DARS1: variants seen among roughly 807,000 people sequenced by gnomAD.
DARS1 encodes aspartyl-tRNA synthetase 1.
In DARS1, 51 loss-of-function variants were observed where a neutral mutation model predicts 68.8. The ratio of observed to expected loss-of-function variants is 0.74; its 90% CI spans 0.59 to 0.94. The LOEUF (loss-of-function observed/expected upper bound fraction) is 0.94, where lower values mean the gene tolerates loss of function less well. Among genes scored for constraint, DARS1 ranks in the 40% least tolerant of loss-of-function variants. The pLI is 0.00. For synonymous variants in DARS1, 203 were observed against 190.4 expected (o/e 1.07, Z -0.55); for missense variants, 607 against 597.3 (o/e 1.02, Z -0.17).
intron 5 of DARS1, among the ~76,000 whole-genome samples, chr2:135,940,733 G>A (rs911351456): frequency 1.3e-5 from 2 of 152,152 alleles, no homozygotes; most frequent in African/African-American, 4.8e-5. Flanking sequence ...CCTGTTTGCA[G>A]ATGACATGAT....
rs1463633056 is a variant in DARS1, at chr2:135,985,549, C to T, written c.-81G>A. 1.9e-6 allele frequency: 3 copies of T among 1,605,584 alleles called. No individual in the cohort carries two copies. Among genetic ancestry groups the T allele is most frequent in the East Asian group, 2.2e-5 (1 of 44,644 alleles). ...AGGCCAAAGGGGCTTCTCCCTCCCTCCCAGTCTCCGCCCTCCCGACCCTGG... is the reference window on the plus strand; with the variant it reads ...AGGCCAAAGGGGCTTCTCCCTCCCTTCCAGTCTCCGCCCTCCCGACCCTGG... On this transcript the variant is annotated 5_prime_UTR_variant, in exon 1 of 16. Transcript: ENST00000264161.
intron 3 of DARS1, among the ~76,000 whole-genome samples, chr2:135,963,095 G>A (rs1027124974): frequency 6.6e-6 from 1 of 152,148 alleles, no homozygotes; most frequent in East Asian, 1.9e-4. Flanking sequence ...ACTTACAAAG[G>A]GTGAGCACAG....
Position 135,985,590 on chromosome 2 carries a change from G to T in DARS1, c.-122C>A, listed in dbSNP as rs779404715. The T allele has an allele frequency of 1.3e-6, 2 of 1,550,900 alleles. No homozygotes were observed. Reference sequence around the variant, plus strand: ...CCGACCCTGGGGTCTCAGCACACGCGCTCGGACTCCGCGTGGAGGTGCGGC... The same window carrying T: ...CCGACCCTGGGGTCTCAGCACACGCTCTCGGACTCCGCGTGGAGGTGCGGC... On this transcript the variant is annotated 5_prime_UTR_variant, in exon 1 of 16. Transcript: ENST00000264161.
At chr2:135,967,574 C>T (rs1165306228) in intron 3 of DARS1, among the ~76,000 whole-genome samples, 2 of 152,124 alleles carry the variant, frequency 1.3e-5, no homozygotes, top group Non-Finnish European at 2.9e-5. Flanking sequence ...TATATATAAA[C>T]CTACCATAAG....
intron 4 of DARS1, among the ~76,000 whole-genome samples, chr2:135,949,430 T>G (rs966021433): frequency 6.6e-6 from 1 of 152,186 alleles, no homozygotes; most frequent in Non-Finnish European, 1.5e-5. Context: ...CAAAAAAATT[T>G]TTTTTAAAAG....
chr2:135,957,091 G>GTCT (rs979998395), intron 4 of DARS1, among the ~76,000 whole-genome samples: 42 of 152,162 alleles, frequency 2.8e-4, no homozygotes, highest in African/African-American at 8.7e-4. Context: ...TTAAGCCAGA[G>GTCT]TCTTGCTCTG....
chr2:135,952,160 C>T (rs1009429727), intron 4 of DARS1, among the ~76,000 whole-genome samples: 1 of 152,176 alleles, frequency 6.6e-6, no homozygotes, highest in African/African-American at 2.4e-5. Context: ...AGGAGAATCG[C>T]TTGAACCTGG....
chr2:135,915,897 T>C (rs567470605), intron 11 of DARS1, among the ~76,000 whole-genome samples: 2 of 152,144 alleles, frequency 1.3e-5, no homozygotes, highest in Non-Finnish European at 2.9e-5. Context: ...TAATGGAAAA[T>C]GGTGTTTATA....
chr2:135,907,665 C>G (rs755922416), intron 15 of DARS1, among the ~76,000 whole-genome samples: 3 of 151,978 alleles, frequency 2.0e-5, no homozygotes, highest in Non-Finnish European at 4.4e-5. Context: ...AAAATCTATA[C>G]GAATGAACAA....
At chr2:135,932,698 C>A in intron 7 of DARS1, 85 bp downstream of exon 7, 1 of 756,300 alleles carries the variant, frequency 1.3e-6, no homozygotes, top group Non-Finnish European at 2.3e-6. Flanking sequence ...TACCATTTAG[C>A]TTTATAAGCC....
intron 6 of DARS1, 23 bp from the exon 7 acceptor site, chr2:135,932,865 G>GA (rs1681382659): frequency 2.9e-6 from 3 of 1,038,294 alleles, no homozygotes; most frequent in South Asian, 1.5e-5. Flanking sequence ...AAAAAGAAAA[G>GA]AAAAAAATAA....
intron 4 of DARS1, among the ~76,000 whole-genome samples, chr2:135,954,692 T>C (rs1458601115): frequency 6.6e-6 from 1 of 152,190 alleles, no homozygotes; most frequent in African/African-American, 2.4e-5. Context: ...AATTTCAGAT[T>C]AAGCTTCTTA....
intron 1 of DARS1, among the ~76,000 whole-genome samples, chr2:135,984,274 G>C (rs1006171637): frequency 6.6e-6 from 1 of 151,998 alleles, no homozygotes; most frequent in African/African-American, 2.4e-5. Context: ...TATCTGTAAG[G>C]GTACACTGAT....
intron 12 of DARS1, among the ~76,000 whole-genome samples, chr2:135,913,325 T>C (rs945447062): frequency 6.6e-6 from 1 of 152,190 alleles, no homozygotes; most frequent in South Asian, 2.1e-4. Context: ...AATTTTTATC[T>C]AGATATATAC....
chr2:135,955,673 CTTTTTTTTTTTT>C (rs75123258), intron 4 of DARS1, among the ~76,000 whole-genome samples: 2,065 of 61,430 alleles, frequency 0.034, 46 homozygotes, highest in African/African-American at 0.064. Context: ...AAATAAAAAT[CTTTTTTTTTTTT>C]TTTTTTTTTT....
intron 4 of DARS1, among the ~76,000 whole-genome samples, chr2:135,955,886 T>C (rs1681962419): frequency 6.6e-6 from 1 of 151,952 alleles, no homozygotes; most frequent in African/African-American, 2.4e-5. Flanking sequence ...TTTGAACTTC[T>C]GGGCTCAAGT....
At chr2:135,910,706 G>C (rs1680878900) in intron 15 of DARS1, 1 of 152,360 alleles carries the variant, frequency 6.6e-6, no homozygotes, top group South Asian at 2.1e-4. Context: ...TTTTTTAAGA[G>C]TGTTTGATAT....
chr2:135,969,383 TA>T (rs897231097), intron 3 of DARS1, among the ~76,000 whole-genome samples: 2 of 151,106 alleles, frequency 1.3e-5, no homozygotes, highest in African/African-American at 4.9e-5. Flanking sequence ...GAATGAATAA[TA>T]AAAAAAAGAA....
intron 10 of DARS1, among the ~76,000 whole-genome samples, chr2:135,920,113 T>A (rs1451217760): frequency 1.3e-5 from 2 of 152,154 alleles, no homozygotes; most frequent in African/African-American, 4.8e-5. Flanking sequence ...GTTTCCCAAA[T>A]AAACTGTTAA....
Sources: allele counts gnomAD v4.1 joint callset (sites outside exome capture counted in the v4.1 genomes callset), GRCh38; gene constraint gnomAD v4.1.1; transcripts MANE v1.5; gene names NCBI Gene and HGNC (gene_info 2026-07-23, HGNC 2026-07-21).